The following GALNT2 variants were observed in gnomAD, a reference collection of about 807,000 sequenced individuals.
The protein encoded by GALNT2 is polypeptide N-acetylgalactosaminyltransferase 2, also known as UDP-GalNAc:polypeptide N-acetylgalactosaminyltransferase 2.
Under a neutral mutation model 81.4 loss-of-function variants are expected in GALNT2, and 31 were observed. The ratio of observed to expected loss-of-function variants is 0.38; its 90% CI spans 0.29 to 0.51. GALNT2 has a LOEUF of 0.51. Ranked by LOEUF, GALNT2 falls within the 20% of genes least tolerant of loss-of-function variation. The pLI is 0.87. For missense variants in GALNT2, 629 were observed against 765.7 expected (o/e 0.82, Z 2.11); for synonymous variants, 303 against 287.4 (o/e 1.05, Z -0.55).
intron 7 of GALNT2, among the ~76,000 whole-genome samples, chr1:230,245,548 G>T (rs559096844): frequency 8.5e-4 from 130 of 152,176 alleles, no homozygotes; most frequent in Middle Eastern, 3.4e-3. Context: ...GGTTGATTTG[G>T]TTAACCTTCT....
chr1:230,184,088 G>T (rs562914536), intron 2 of GALNT2, among the ~76,000 whole-genome samples: 1 of 150,764 alleles, frequency 6.6e-6, no homozygotes, highest in South Asian at 2.1e-4. Flanking sequence ...TATGTTAAAA[G>T]AGCTGCTTTT....
At position 230,257,551 on chromosome 1, in the gene GALNT2, T is replaced by C. The variant is rs1310034317; in HGVS notation, c.1136+2207T>C. Among the ~76,000 whole-genome samples, 1 of 152,234 alleles carries C rather than the reference T, an allele frequency of 6.6e-6. No individual in the cohort carries two copies. The highest frequency in any genetic ancestry group is 6.5e-5 in the Admixed American group (1 of 15,284). ...TTTGTAGCCTAGAAGCAATAGGCTG[T>C]ACCATGTAGCCTAGGTGTATATTAA... On this transcript the variant is annotated intron_variant, in intron 11 of 15. Coordinates refer to ENST00000366672, the MANE Select transcript of GALNT2 (RefSeq NM_004481.5). The surrounding 1 kb of genome is among the most constrained non-coding windows in gnomAD (Gnocchi z 4.6).
At chr1:230,247,668 G>C (rs766963177) in intron 8 of GALNT2, among the ~76,000 whole-genome samples, 1 of 152,188 alleles carries the variant, frequency 6.6e-6, no homozygotes. Flanking sequence ...AAGCAGCTGC[G>C]TATGTCAGAG....
chr1:230,173,484 G>T (rs72651074), intron 1 of GALNT2, among the ~76,000 whole-genome samples: 5 of 152,182 alleles, frequency 3.3e-5, no homozygotes, highest in Non-Finnish European at 5.9e-5. Flanking sequence ...CTTTGAGGGT[G>T]GTGGAAACAA....
In GALNT2 at chr1:230,153,805, C is replaced by T. The variant is rs1390251697; in HGVS notation, c.127-24413C>T. On this transcript the variant is annotated intron_variant, in intron 1 of 15. Coordinates refer to ENST00000366672, the MANE Select transcript of GALNT2 (RefSeq NM_004481.5). ...ACTCCTGGGCCTCCTGGCGTGGCCT[C>T]GGGGGCCCCTGGTTGGTGGCACTCA... Among the ~76,000 whole-genome samples the T allele has an allele frequency of 4.6e-5, 7 of 152,028 alleles. No individual in the cohort carries two copies. In the East Asian group the frequency reaches 5.8e-4, roughly 13 times the overall value.
At chr1:230,146,314 C>T (rs376841766) in intron 1 of GALNT2, among the ~76,000 whole-genome samples, 6 of 152,194 alleles carry the variant, frequency 3.9e-5, no homozygotes, top group East Asian at 3.8e-4. Context: ...AGAACTTGTT[C>T]GCAGCTATTC....
chr1:230,231,916 T>G (rs952176085), intron 3 of GALNT2, among the ~76,000 whole-genome samples: 1 of 152,136 alleles, frequency 6.6e-6, no homozygotes, highest in Non-Finnish European at 1.5e-5. Context: ...AGAACAAACC[T>G]TACTGCACAC....
At chr1:230,269,122 A>G (rs1467611303) in intron 14 of GALNT2, among the ~76,000 whole-genome samples, 2 of 144,898 alleles carry the variant, frequency 1.4e-5, no homozygotes, top group Non-Finnish European at 3.0e-5. Flanking sequence ...ACATCCTGGG[A>G]TTGCTCAGAG....
intron 13 of GALNT2, chr1:230,263,314 TG>T (rs1665933410): frequency 2.8e-6 from 1 of 351,104 alleles, no homozygotes; most frequent in African/African-American, 2.1e-5. Context: ...CCTGAAGGAC[TG>T]GTGTCTGACA....
In GALNT2 at chr1:230,094,163, A is replaced by ATTTTTT. The variant is rs58639878; in HGVS notation, c.126+26779_126+26784dup. 6.7e-5 allele frequency among the ~76,000 whole-genome samples: 8 copies of ATTTTTT among 119,362 alleles called. 1 individual carries two copies. The highest frequency in any genetic ancestry group is 2.6e-4 in the African/African-American group (8 of 30,960). 78.3% of individuals were successfully genotyped at this position (119,362 alleles called of 152,430 possible). Reference sequence around the variant, plus strand: ...CAGGTGTGTGCCACCATGCTGGCTAATTTTTTTTTTTTTTTTTTTTTTTTT... The same window carrying ATTTTTT: ...CAGGTGTGTGCCACCATGCTGGCTAATTTTTTTTTTTTTTTTTTTTTTTTTTTTTTT... On this transcript the variant is annotated intron_variant, in intron 1 of 15. Coordinates refer to ENST00000366672, the MANE Select transcript of GALNT2 (RefSeq NM_004481.5).
intron 1 of GALNT2, among the ~76,000 whole-genome samples, chr1:230,162,018 A>G (rs1238707982): frequency 6.6e-6 from 1 of 152,182 alleles, no homozygotes; most frequent in Non-Finnish European, 1.5e-5. Flanking sequence ...ACTAACCAGC[A>G]AAATTCTGTA....
intron 1 of GALNT2, among the ~76,000 whole-genome samples, chr1:230,148,348 T>C (rs1232531837): frequency 2.6e-5 from 4 of 152,056 alleles, no homozygotes; most frequent in Admixed American, 2.6e-4. Flanking sequence ...AGGGCTGGAG[T>C]AGTTCAGCAC....
At chr1:230,190,277 A>G (rs1196819949) in intron 2 of GALNT2, among the ~76,000 whole-genome samples, 1 of 152,226 alleles carries the variant, frequency 6.6e-6, no homozygotes, top group African/African-American at 2.4e-5. Context: ...GTGTTCCTCC[A>G]TACTTGCCCT....
intron 1 of GALNT2, among the ~76,000 whole-genome samples, chr1:230,118,845 A>G (rs1660929834): frequency 6.6e-6 from 1 of 151,880 alleles, no homozygotes; most frequent in South Asian, 2.1e-4. Flanking sequence ...GTAAAGTTCA[A>G]ATATATGTAA....
At chr1:230,231,679 T>C (rs981933048) in intron 3 of GALNT2, among the ~76,000 whole-genome samples, 1 of 152,328 alleles carries the variant, frequency 6.6e-6, no homozygotes, top group Middle Eastern at 3.4e-3. Flanking sequence ...GTTCAGGTAC[T>C]GAAAGCCATC....
rs575718000 is a variant in GALNT2 at position 230,236,144 on chromosome 1, G to C, written c.473+32G>C. The C allele has an allele frequency of 1.3e-5, 21 of 1,596,756 alleles. No individual in the cohort carries two copies. In the South Asian group the frequency reaches 2.1e-4, roughly 16 times the overall value. ...CCAGGAGATGCATTACCTGTCAGGG[G>C]TGTTAAGACATTAGCTGTGTCCCAG... On this transcript the variant is annotated intron_variant, in intron 4 of 15. Transcript: ENST00000366672.
intron 3 of GALNT2, among the ~76,000 whole-genome samples, chr1:230,225,003 G>C (rs1336008036): frequency 6.6e-6 from 1 of 152,216 alleles, no homozygotes; most frequent in Non-Finnish European, 1.5e-5. Flanking sequence ...CTGTTGACCA[G>C]ATTTTTAAGA....
chr1:230,230,365 A>C (rs1664833357), intron 3 of GALNT2, among the ~76,000 whole-genome samples: 2 of 152,336 alleles, frequency 1.3e-5, no homozygotes, highest in East Asian at 1.9e-4. Context: ...AGGACCTTGG[A>C]AATACCACGA....
At chr1:230,067,232 G>A (rs1189828514), upstream of GALNT2, 41 of 1,198,432 alleles carry the variant, frequency 3.4e-5, no homozygotes, top group African/African-American at 1.3e-4. Context: ...GGCCGGCCCA[G>A]GCAGCACTCG....
Sources: gnomAD v4.1 joint callset for allele counts (sites outside exome capture counted in the v4.1 genomes callset) on GRCh38, gnomAD v4.1.1 for gene constraint, Gnocchi (gnomAD v3.1) non-coding constraint, MANE v1.5 for transcripts, NCBI Gene and HGNC (gene_info 2026-07-23, HGNC 2026-07-21) for gene names.